AGAP1: variants seen among roughly 807,000 people sequenced by gnomAD.
AGAP1 encodes ArfGAP with GTPase domain, ankyrin repeat and PH domain 1, also known as arf-GAP with GTPase, ANK repeat and PH domain-containing protein 1.
AGAP1 carries 29 observed loss-of-function variants against 105.3 expected under a neutral mutation model. The observed-to-expected ratio is 0.28, with a 90% CI of 0.21 to 0.38. The LOEUF (loss-of-function observed/expected upper bound fraction) is 0.38, where lower values mean the gene tolerates loss of function less well. Ranked by LOEUF, AGAP1 falls within the 10% of genes least tolerant of loss-of-function variation. The pLI, the probability that AGAP1 is intolerant of heterozygous loss-of-function variation, is 1.00. For synonymous variants in AGAP1, 509 were observed against 485.9 expected (o/e 1.05, Z -0.63); for missense variants, 998 against 1,165.1 (o/e 0.86, Z 2.09).
chr2:235,860,307 G>T (rs571440466), intron 9 of AGAP1, among the ~76,000 whole-genome samples: 1 of 152,220 alleles, frequency 6.6e-6, no homozygotes, highest in Non-Finnish European at 1.5e-5. Flanking sequence ...TTACGTAAGT[G>T]CGTTCGGTAT....
Position 236,000,966 on chromosome 2 carries a change from A to G in AGAP1, c.1645+32343A>G, listed in dbSNP as rs1481291956. On this transcript the variant is annotated intron_variant, in intron 13 of 17. Transcript: ENST00000304032. This position sits in a 1 kb window ranked among gnomAD's most constrained non-coding sequence, Gnocchi z 4.3. ...TCCATGCCATAAAGGACTGTCATCCATCTGTCATTGGCTGAATTGTGACCT... is the reference window on the plus strand; with the variant it reads ...TCCATGCCATAAAGGACTGTCATCCGTCTGTCATTGGCTGAATTGTGACCT... 6.6e-6 allele frequency among the ~76,000 whole-genome samples: 1 copy of G among 152,176 alleles called. No individual in the cohort carries two copies. The highest frequency in any genetic ancestry group is 1.9e-4 in the East Asian group (1 of 5,184).
chr2:235,852,642 A>G, intron 9 of AGAP1: 2 of 1,409,142 alleles, frequency 1.4e-6, no homozygotes, highest in Non-Finnish European at 1.9e-6. Context: ...CTCATCAGAT[A>G]AAGCAGTTGT....
At chr2:235,694,478 CAAAA>C (rs1055692749) in intron 1 of AGAP1, among the ~76,000 whole-genome samples, 4 of 73,652 alleles carry the variant, frequency 5.4e-5, no homozygotes, top group Admixed American at 1.6e-4. Context: ...GACTCTGTCT[CAAAA>C]AAAAAAAAAA....
At chr2:235,854,039 A>G (rs904024460) in intron 9 of AGAP1, among the ~76,000 whole-genome samples, 1 of 152,080 alleles carries the variant, frequency 6.6e-6, no homozygotes, top group Non-Finnish European at 1.5e-5. Flanking sequence ...AGAAAAAGGA[A>G]GTTGATGCGT....
intron 13 of AGAP1, among the ~76,000 whole-genome samples, chr2:235,991,069 C>T (rs1426417050): frequency 3.3e-5 from 5 of 152,144 alleles, no homozygotes; most frequent in African/African-American, 1.2e-4. Flanking sequence ...GTGGTGGCCA[C>T]CTTAAACTGA....
In AGAP1 at chr2:236,081,145, G is replaced by T. The variant is rs115407642; in HGVS notation, c.2114+31864G>T. On this transcript the variant is annotated intron_variant, in intron 16 of 17. Coordinates refer to ENST00000304032, the MANE Select transcript of AGAP1 (RefSeq NM_001037131.3). The stretch of plus-strand genomic sequence containing the variant: ...CCATCCAGACAGGTGGTGCCTGTGG[G>T]TACATCTCAGCGTAGGGTGCAGACA... Among the ~76,000 whole-genome samples, 1,319 of 152,230 alleles carry T rather than the reference G, an allele frequency of 8.7e-3. 13 individuals carry two copies. The highest frequency in any genetic ancestry group is 0.014 in the Non-Finnish European group (971 of 68,010).
At chr2:235,523,010 T>A (rs967955969) in intron 1 of AGAP1, among the ~76,000 whole-genome samples, 1 of 152,178 alleles carries the variant, frequency 6.6e-6, no homozygotes, top group African/African-American at 2.4e-5. Flanking sequence ...AATAGTCGTT[T>A]ATGTCTCGCA....
Position 236,078,155 on chromosome 2 carries a change from G to GGT in AGAP1, c.2114+28893_2114+28894dup, listed in dbSNP as rs145700440. ...AAGTGTGTAGGGCAGGCCAGCCGGG[G>GGT]GTGTGTGTGTGTGTGTGTGTATATG... On this transcript the variant is annotated intron_variant, in intron 16 of 17. Coordinates refer to ENST00000304032, the MANE Select transcript of AGAP1 (RefSeq NM_001037131.3). The surrounding 1 kb of genome is among the most constrained non-coding windows in gnomAD (Gnocchi z 5.3). 0.011 allele frequency among the ~76,000 whole-genome samples: 1,597 copies of GGT among 146,462 alleles called. 13 individuals carry two copies. Among genetic ancestry groups the GGT allele is most frequent in the African/African-American group, 0.026 (1,048 of 39,960 alleles).
At chr2:235,974,135 GA>G (rs1384947385) in intron 13 of AGAP1, among the ~76,000 whole-genome samples, 1 of 152,190 alleles carries the variant, frequency 6.6e-6, no homozygotes, top group African/African-American at 2.4e-5. Flanking sequence ...TTTCCCCAGT[GA>G]AAAGGCTGAA....
intron 16 of AGAP1, among the ~76,000 whole-genome samples, chr2:236,070,662 A>G (rs879832667): frequency 2.6e-5 from 4 of 152,226 alleles, no homozygotes; most frequent in Non-Finnish European, 5.9e-5. Context: ...ATGCACCTTC[A>G]ACATTATGAA....
At chr2:235,854,669 C>T (rs949654931) in intron 9 of AGAP1, among the ~76,000 whole-genome samples, 1 of 152,214 alleles carries the variant, frequency 6.6e-6, no homozygotes, top group Non-Finnish European at 1.5e-5. Flanking sequence ...ATGTTTCTTA[C>T]TCTCCGAGCT....
At chr2:236,064,551 G>A (rs1451723647) in intron 16 of AGAP1, among the ~76,000 whole-genome samples, 6 of 152,202 alleles carry the variant, frequency 3.9e-5, no homozygotes, top group Non-Finnish European at 5.9e-5. Context: ...AGCTGAGATC[G>A]TGCCACTGCA....
At chr2:235,937,490 C>T (rs1252969476) in intron 12 of AGAP1, among the ~76,000 whole-genome samples, 1 of 152,226 alleles carries the variant, frequency 6.6e-6, no homozygotes, top group Non-Finnish European at 1.5e-5. Flanking sequence ...TGAAATGCTG[C>T]CCCATGATCA....
In AGAP1 at chr2:235,982,974, T is replaced by TC. The variant is rs1377931001; in HGVS notation, c.1645+14354dup. Among the ~76,000 whole-genome samples, 2 of 152,180 alleles carry TC rather than the reference T, an allele frequency of 1.3e-5. No individual in the cohort carries two copies. The highest frequency in any genetic ancestry group is 2.4e-5 in the African/African-American group (1 of 41,434). Reference sequence around the variant, plus strand: ...ATCCAGTTCTTATTTTAATTTTTTTTCCCAACCCCTAAAAAGCATTTGCAA... The same window carrying TC: ...ATCCAGTTCTTATTTTAATTTTTTTTCCCCAACCCCTAAAAAGCATTTGCAA... On this transcript the variant is annotated intron_variant, in intron 13 of 17. Coordinates refer to ENST00000304032, the MANE Select transcript of AGAP1 (RefSeq NM_001037131.3). The surrounding 1 kb of genome is among the most constrained non-coding windows in gnomAD (Gnocchi z 4.9).
chr2:235,542,222 G>A (rs553830774), intron 1 of AGAP1, among the ~76,000 whole-genome samples: 6 of 151,508 alleles, frequency 4.0e-5, no homozygotes, highest in South Asian at 2.1e-4. Flanking sequence ...GGTCCCGGGG[G>A]GGGGCCAGTT....
chr2:235,864,096 G>A lies in AGAP1; in HGVS notation c.1051-19249G>A, dbSNP rs1332665678. The stretch of plus-strand genomic sequence containing the variant: ...TCTGACTTGAATGCGCAAGCGGGCC[G>A]TTCCCACGTGATTTAATAAACAGTT... On this transcript the variant is annotated intron_variant, in intron 9 of 17. Transcript: ENST00000304032. The surrounding 1 kb of genome is among the most constrained non-coding windows in gnomAD (Gnocchi z 5.0). Among the ~76,000 whole-genome samples, 8 of 152,328 alleles carry A rather than the reference G, an allele frequency of 5.3e-5. No homozygotes were observed. The East Asian group carries it at 1.2e-3, about 22-fold the overall frequency.
rs1347182216 is a variant in AGAP1 at position 236,058,807 on chromosome 2, G to A, written c.2114+9526G>A. Reference sequence around the variant, plus strand: ...ATTTCCAGATGACATAATCTTTTATGTGGAAAATCCTAAGGAACCCATAAG... The same window carrying A: ...ATTTCCAGATGACATAATCTTTTATATGGAAAATCCTAAGGAACCCATAAG... On this transcript the variant is annotated intron_variant, in intron 16 of 17. Coordinates refer to ENST00000304032, the MANE Select transcript of AGAP1 (RefSeq NM_001037131.3). The surrounding 1 kb of genome is among the most constrained non-coding windows in gnomAD (Gnocchi z 4.6). Among the ~76,000 whole-genome samples, 1 of 152,166 alleles carries A rather than the reference G, an allele frequency of 6.6e-6. No homozygotes were observed. Among genetic ancestry groups the A allele is most frequent in the Non-Finnish European group, 1.5e-5 (1 of 68,040 alleles).
chr2:235,545,278 C>T (rs927235960), intron 1 of AGAP1, among the ~76,000 whole-genome samples: 17 of 152,146 alleles, frequency 1.1e-4, no homozygotes, highest in Admixed American at 5.9e-4. Context: ...AGAGTGTGAT[C>T]GGTGAAACAC....
chr2:236,023,985 A>G (rs1238904814), intron 13 of AGAP1, among the ~76,000 whole-genome samples: 2 of 145,824 alleles, frequency 1.4e-5, no homozygotes, highest in Non-Finnish European at 3.0e-5. Flanking sequence ...ACATCTCGGC[A>G]TTGCACCTGC....
Sources: allele counts gnomAD v4.1 joint callset (sites outside exome capture counted in the v4.1 genomes callset), GRCh38; gene constraint gnomAD v4.1.1; non-coding constraint Gnocchi (gnomAD v3.1); transcripts MANE v1.5; gene names NCBI Gene and HGNC (gene_info 2026-07-23, HGNC 2026-07-21).